The following ISG20 variants were observed in gnomAD, a reference collection of about 807,000 sequenced individuals.
ISG20 encodes interferon-stimulated gene 20 kDa protein.
Under a neutral mutation model 11.1 loss-of-function variants are expected in ISG20, and 8 were observed. The ratio of observed to expected loss-of-function variants is 0.72; its 90% CI spans 0.42 to 1.30. The LOEUF (loss-of-function observed/expected upper bound fraction) is 1.30, where lower values mean the gene tolerates loss of function less well. Ranked by LOEUF, ISG20 falls within the 50% of genes most tolerant of loss-of-function variation. The pLI is 0.01. For synonymous variants in ISG20, 110 were observed against 101.7 expected (o/e 1.08, Z -0.49); for missense variants, 243 against 250.2 (o/e 0.97, Z 0.19).
At chr15:88,642,247 G>T (rs2058094355) in intron 2 of ISG20, among the ~76,000 whole-genome samples, 1 of 152,032 alleles carries the variant, frequency 6.6e-6, no homozygotes, top group South Asian at 2.1e-4. Context: ...CTTTTTCAAA[G>T]GACACCAATC....
At chr15:88,652,057 C>T (rs1373221838) in intron 2 of ISG20, 53 bp from the exon 3 acceptor site, 21 of 1,610,140 alleles carry the variant, frequency 1.3e-5, no homozygotes, top group African/African-American at 2.7e-5. Flanking sequence ...AGCCCCAGCC[C>T]CACCCAGAAG....
chr15:88,649,764 G>T, intron 2 of ISG20: 1 of 162,946 alleles, frequency 6.1e-6, no homozygotes, highest in African/African-American at 2.4e-5. Flanking sequence ...TCAAGTTTGA[G>T]AAGCGCTGGT....
At chr15:88,637,674 G>A (rs2058007313), upstream of ISG20, among the ~76,000 whole-genome samples, 1 of 152,182 alleles carries the variant, frequency 6.6e-6, no homozygotes, top group South Asian at 2.1e-4. Context: ...GAGGTGAGCA[G>A]AGGTGGAGGT....
rs1317635667 is a variant in ISG20, at chr15:88,650,087, A to G, written c.229-2023A>G. ...GGCTACGGGGAAGGTGTTAGGCACC[A>G]GAAGGCTCTTTCCTGGTGTACAGGC... On this transcript the variant is annotated intron_variant, in intron 2 of 3. Transcript: ENST00000306072. This position sits in a 1 kb window ranked among gnomAD's most constrained non-coding sequence, Gnocchi z 4.0. 3.0e-6 allele frequency: 2 copies of G among 666,032 alleles called. No individual in the cohort carries two copies. The highest frequency in any genetic ancestry group is 2.3e-5 in the Admixed American group (1 of 42,654). The allele number at this position is 666,032 out of a possible 1,614,324, so 41.3% of individuals were successfully genotyped here. A position where few individuals can be genotyped will look rare whatever the true frequency, so the allele number is the denominator to read the frequency against.
chr15:88,642,701 C>T (rs948177124), intron 2 of ISG20, among the ~76,000 whole-genome samples: 82 of 152,186 alleles, frequency 5.4e-4, no homozygotes, highest in African/African-American at 1.8e-3. Flanking sequence ...ACTACAACCT[C>T]CATCTCCCAG....
upstream of ISG20, among the ~76,000 whole-genome samples, chr15:88,637,644 T>A (rs1351649379): frequency 6.6e-6 from 1 of 152,002 alleles, no homozygotes; most frequent in Non-Finnish European, 1.5e-5. Context: ...GAGTGGGATG[T>A]GTTCTGACTG....
rs1345361746 is a variant in ISG20 at position 88,639,759 on chromosome 15, C to T, written c.228+165C>T. Among the ~76,000 whole-genome samples, 1 of 152,236 alleles carries T rather than the reference C, an allele frequency of 6.6e-6. No homozygotes were observed. Among genetic ancestry groups the T allele is most frequent in the East Asian group, 1.9e-4 (1 of 5,200 alleles). On this transcript the variant is annotated intron_variant, in intron 2 of 3. Transcript: ENST00000306072. The surrounding 1 kb of genome is among the most constrained non-coding windows in gnomAD (Gnocchi z 4.2). ...TGTCTCCATCACATCCTGGAGAAGG[C>T]TTCCTGTCTTCAGAGAACCATAGAC...
At chr15:88,641,920 C>A (rs993130155) in intron 2 of ISG20, among the ~76,000 whole-genome samples, 7 of 135,822 alleles carry the variant, frequency 5.2e-5, no homozygotes, top group Non-Finnish European at 1.1e-4. Context: ...ACCTGGTTAG[C>A]TTCCTCTTTT....
intron 2 of ISG20, among the ~76,000 whole-genome samples, chr15:88,645,402 T>C (rs1269913548): frequency 6.6e-6 from 1 of 152,142 alleles, no homozygotes; most frequent in Non-Finnish European, 1.5e-5. Context: ...CCGACTTCTC[T>C]TGGGAACTGC....
chr15:88,637,741 G>A (rs1350655907), upstream of ISG20, among the ~76,000 whole-genome samples: 2 of 152,122 alleles, frequency 1.3e-5, no homozygotes, highest in African/African-American at 4.8e-5. Flanking sequence ...GCACTGGGGG[G>A]TCCTATGGGG....
chr15:88,651,426 C>A, intron 2 of ISG20: 1 of 432,048 alleles, frequency 2.3e-6, no homozygotes, highest in Non-Finnish European at 3.1e-6. Context: ...GTCAGTGGGG[C>A]TAGGTTCCTT....
chr15:88,640,823 C>T (rs767515559), intron 2 of ISG20, among the ~76,000 whole-genome samples: 13 of 151,754 alleles, frequency 8.6e-5, no homozygotes, highest in East Asian at 7.8e-4. Context: ...AAAAATTAGC[C>T]GGGCATGGTG....
chr15:88,651,337 C>T, intron 2 of ISG20: 2 of 947,272 alleles, frequency 2.1e-6, no homozygotes, highest in Non-Finnish European at 1.3e-6. Flanking sequence ...CTTAGTGATT[C>T]ACAGCAACAC....
At chr15:88,646,611 A>G (rs758802406) in intron 2 of ISG20, among the ~76,000 whole-genome samples, 6 of 152,142 alleles carry the variant, frequency 3.9e-5, no homozygotes, top group Admixed American at 6.5e-5. Context: ...ATCATCCATA[A>G]TGTTTTAATC....
At chr15:88,644,831 C>G (rs2058143539) in intron 2 of ISG20, among the ~76,000 whole-genome samples, 1 of 152,100 alleles carries the variant, frequency 6.6e-6, no homozygotes, top group Admixed American at 6.5e-5. Context: ...CCCAATTTCC[C>G]TCCCCATCAG....
intron 3 of ISG20, among the ~76,000 whole-genome samples, chr15:88,652,864 C>T (rs577031824): frequency 9.2e-5 from 14 of 151,504 alleles, no homozygotes; most frequent in Non-Finnish European, 1.9e-4. Flanking sequence ...AAGCACACAC[C>T]TCACCTCAGA....
intron 2 of ISG20, among the ~76,000 whole-genome samples, chr15:88,646,267 G>A (rs186267636): frequency 1.1e-3 from 174 of 152,240 alleles, no homozygotes; most frequent in Non-Finnish European, 2.1e-3. Context: ...TTCTGAGCAC[G>A]TTTCATACTC....
intron 3 of ISG20, among the ~76,000 whole-genome samples, chr15:88,654,244 G>T (rs1414095586): frequency 6.6e-6 from 1 of 152,190 alleles, no homozygotes; most frequent in Admixed American, 6.5e-5. Flanking sequence ...ATCTGTCAAG[G>T]ATGGTGACAG....
chr15:88,648,307 A>T (rs1207537731), intron 2 of ISG20: 1 of 152,338 alleles, frequency 6.6e-6, no homozygotes, highest in African/African-American at 2.4e-5. Context: ...TTAGATGGGA[A>T]GAATCCCCTG....
Sources: gnomAD v4.1 joint callset for allele counts (sites outside exome capture counted in the v4.1 genomes callset) on GRCh38, gnomAD v4.1.1 for gene constraint, Gnocchi (gnomAD v3.1) non-coding constraint, MANE v1.5 for transcripts, NCBI Gene and HGNC (gene_info 2026-07-23, HGNC 2026-07-21) for gene names.